ZNF385D: variants seen among roughly 807,000 people sequenced by gnomAD.
ZNF385D encodes the protein zinc finger protein 385D.
Under a neutral mutation model 35.8 loss-of-function variants are expected in ZNF385D, and 15 were observed. The observed-to-expected ratio is 0.42, with a 90% CI of 0.28 to 0.64. The LOEUF (loss-of-function observed/expected upper bound fraction) is 0.64, where lower values mean the gene tolerates loss of function less well. Ranked by LOEUF, ZNF385D falls within the 30% of genes least tolerant of loss-of-function variation. The pLI is 0.23. For missense variants in ZNF385D, 474 were observed against 494.6 expected (o/e 0.96, Z 0.39); for synonymous variants, 212 against 186.8 (o/e 1.13, Z -1.10).
intron 2 of ZNF385D, among the ~76,000 whole-genome samples, chr3:21,658,118 A>C (rs976058855): frequency 1.3e-5 from 2 of 152,044 alleles, no homozygotes; most frequent in African/African-American, 2.4e-5. Flanking sequence ...AATAATCTCT[A>C]TATGTTAAGC....
chr3:21,623,460 T>C (rs1028547455), intron 2 of ZNF385D, among the ~76,000 whole-genome samples: 2 of 151,962 alleles, frequency 1.3e-5, no homozygotes, highest in African/African-American at 4.8e-5. Context: ...CTGGACAACA[T>C]AGCAAGACCA....
chr3:22,005,855 A>G (rs535044288), intron 3 of ZNF385D, among the ~76,000 whole-genome samples: 31 of 152,210 alleles, frequency 2.0e-4, no homozygotes, highest in African/African-American at 7.0e-4. Flanking sequence ...AATGAGCTTT[A>G]GAGTACTTAA....
chr3:21,597,773 C>T (rs1311221911), intron 2 of ZNF385D, among the ~76,000 whole-genome samples: 1 of 152,096 alleles, frequency 6.6e-6, no homozygotes, highest in Non-Finnish European at 1.5e-5. Context: ...TTAAGATAAG[C>T]TCACCAAACA....
At position 21,684,731 on chromosome 3, in the gene ZNF385D, C is replaced by T. The variant is rs146229342; in HGVS notation, c.23-19703G>A. Among the ~76,000 whole-genome samples the T allele has an allele frequency of 5.0e-3, 767 of 152,170 alleles. 2 individuals carry two copies. The highest frequency in any genetic ancestry group is 8.2e-3 in the Non-Finnish European group (559 of 68,012). ...CATTTGCAAGGGTTATTAATCAGAG[C>T]AAAGCTGGGTGGCAAACAGATTTCC... On this transcript the variant is annotated intron_variant, in intron 1 of 7. Transcript: ENST00000281523.
At chr3:22,286,764 A>C (rs1702045282) in intron 2 of ZNF385D, among the ~76,000 whole-genome samples, 2 of 152,132 alleles carry the variant, frequency 1.3e-5, no homozygotes, top group African/African-American at 4.8e-5. Context: ...CTTCACAAAG[A>C]AATATGTTGA....
At chr3:21,749,107 C>T (rs1051791208) in intron 1 of ZNF385D, among the ~76,000 whole-genome samples, 1 of 152,220 alleles carries the variant, frequency 6.6e-6, no homozygotes, top group African/African-American at 2.4e-5. Context: ...CTGAGGGCAA[C>T]TTTAGCCTTG....
intron 2 of ZNF385D, among the ~76,000 whole-genome samples, chr3:22,286,929 A>G (rs28827026): frequency 0.016 from 2,375 of 152,170 alleles, 60 homozygotes; most frequent in African/African-American, 0.054. Context: ...GTGTTTCTGT[A>G]TTAATTTTCT....
intron 2 of ZNF385D, among the ~76,000 whole-genome samples, chr3:22,230,893 C>G (rs1394475136): frequency 2.0e-5 from 3 of 152,086 alleles, no homozygotes; most frequent in African/African-American, 4.8e-5. Flanking sequence ...AGAGAAATAA[C>G]TCAGGAAAAA....
chr3:22,069,010 A>T (rs910539167), intron 3 of ZNF385D, among the ~76,000 whole-genome samples: 3 of 152,176 alleles, frequency 2.0e-5, no homozygotes, highest in African/African-American at 7.2e-5. Context: ...CCTTGTTTTC[A>T]TGCTCAGTGT....
rs1021928523 is a variant in ZNF385D at position 21,897,432 on chromosome 3, G to A, written c.326-232404C>T. On this transcript the variant is annotated intron_variant, in intron 3 of 5. Transcript: ENST00000494108. ...CTAGCTGCAAAATCAAGACTGTGGC[G>A]GCTATCCTTATTTTATTTTATGCCC... Among the ~76,000 whole-genome samples, 13 of 152,042 alleles carry A rather than the reference G, an allele frequency of 8.6e-5. 1 individual carries two copies. Among genetic ancestry groups the A allele is most frequent in the Admixed American group, 8.5e-4 (13 of 15,244 alleles).
chr3:21,455,827 C>T (rs777586044), intron 4 of ZNF385D, among the ~76,000 whole-genome samples: 16 of 152,136 alleles, frequency 1.1e-4, no homozygotes, highest in South Asian at 1.0e-3. Flanking sequence ...AAAAAATTTT[C>T]GCAATCTACT....
intron 2 of ZNF385D, among the ~76,000 whole-genome samples, chr3:22,202,957 T>C (rs1321545206): frequency 6.6e-6 from 1 of 152,020 alleles, no homozygotes; most frequent in Admixed American, 6.6e-5. Context: ...TGAAATGCAA[T>C]CTAAGCCACA....
At chr3:22,180,312 A>T (rs1695150482) in intron 2 of ZNF385D, among the ~76,000 whole-genome samples, 1 of 152,246 alleles carries the variant, frequency 6.6e-6, no homozygotes, top group African/African-American at 2.4e-5. Flanking sequence ...CTAACCAAAC[A>T]TGTACAGGAC....
intron 1 of ZNF385D, among the ~76,000 whole-genome samples, chr3:21,693,554 C>T (rs2067353686): frequency 1.3e-5 from 2 of 152,150 alleles, no homozygotes; most frequent in South Asian, 4.1e-4. Flanking sequence ...TACACTTGTG[C>T]CACTTGACCT....
intron 2 of ZNF385D, among the ~76,000 whole-genome samples, chr3:22,364,603 T>C (rs1037064810): frequency 3.3e-5 from 5 of 152,030 alleles, no homozygotes; most frequent in African/African-American, 9.7e-5. Context: ...AAAATATGCA[T>C]TGGTGAAGAT....
At chr3:21,677,030 T>G (rs17009261) in intron 1 of ZNF385D, among the ~76,000 whole-genome samples, 7,658 of 152,084 alleles carry the variant, frequency 0.05, 277 homozygotes, top group East Asian at 0.13. Flanking sequence ...TAAGGAGCTA[T>G]CACCAATGCA....
intron 3 of ZNF385D, among the ~76,000 whole-genome samples, chr3:21,943,327 TAC>T (rs2125279591): frequency 6.6e-6 from 1 of 151,628 alleles, no homozygotes; most frequent in Non-Finnish European, 1.5e-5. Flanking sequence ...TGTATATATA[TAC>T]ATATATATAG....
chr3:21,905,365 C>G (rs546788016), intron 3 of ZNF385D, among the ~76,000 whole-genome samples: 96 of 152,046 alleles, frequency 6.3e-4, no homozygotes, highest in Middle Eastern at 3.4e-3. Flanking sequence ...TAGCAGCAGA[C>G]TTTTCTTTTA....
At chr3:21,748,279 C>T (rs1364701980) in intron 1 of ZNF385D, among the ~76,000 whole-genome samples, 1 of 152,136 alleles carries the variant, frequency 6.6e-6, no homozygotes, top group East Asian at 1.9e-4. Context: ...TTACATCTTC[C>T]ACCAACTTGC....
Sources: allele counts gnomAD v4.1 joint callset (sites outside exome capture counted in the v4.1 genomes callset), GRCh38; gene constraint gnomAD v4.1.1; transcripts MANE v1.5; gene names NCBI Gene and HGNC (gene_info 2026-07-23, HGNC 2026-07-21).